The following DEFB126 variants were observed in gnomAD, a reference collection of about 807,000 sequenced individuals.
The protein encoded by DEFB126 is beta-defensin 126.
In DEFB126, 2 loss-of-function variants were observed where a neutral mutation model predicts 2.5. The observed-to-expected ratio is 0.79, with a 90% confidence interval of 0.32 to 2.49. DEFB126 has a LOEUF of 2.49. Ranked by LOEUF, DEFB126 falls within the 30% of genes most tolerant of loss-of-function variation. DEFB126 has a pLI of 0.11. For synonymous variants in DEFB126, 51 were observed against 45.4 expected (o/e 1.12, Z -0.50); for missense variants, 136 against 135.4 (o/e 1.00, Z -0.02).
At position 142,669 on chromosome 20, in the gene DEFB126, TG is replaced by T; in HGVS notation, c.43del (p.Ala15ProfsTer10). Reference protein sequence around the residue: ...LLFTLAVFMLLAQLVSGNWYV... With the variant: ...LLFTLAVFMLXAQLVSGNWYV... ...TTCACCCTTGCAGTTTTTATGCTCC[TG>T]GCCCAATTGGTCTCAGGTAAACAGA... On this transcript the variant is annotated frameshift_variant, in exon 1 of 2. Transcript: ENST00000382398. LOFTEE classifies it low-confidence loss of function (END_TRUNC). 3 of 1,613,852 alleles carry T rather than the reference TG, an allele frequency of 1.9e-6. No individual in the cohort carries two copies. The highest frequency in any genetic ancestry group is 2.5e-6 in the Non-Finnish European group (3 of 1,179,730).
intron 1 of DEFB126, among the ~76,000 whole-genome samples, chr20:143,047 A>G (rs1354018036): frequency 6.6e-6 from 1 of 152,076 alleles, no homozygotes; most frequent in Non-Finnish European, 1.5e-5. Context: ...TGAGGTAACA[A>G]TTATATAATA....
intron 1 of DEFB126, among the ~76,000 whole-genome samples, chr20:145,097 A>C (rs1262729987): frequency 1.3e-5 from 2 of 152,134 alleles, no homozygotes; most frequent in Non-Finnish European, 2.9e-5. Context: ...ATTTTAGGAA[A>C]TTGCTTGGGG....
At chr20:143,906 C>A (rs74181508) in intron 1 of DEFB126, among the ~76,000 whole-genome samples, 1 of 152,076 alleles carries the variant, frequency 6.6e-6, no homozygotes, top group Non-Finnish European at 1.5e-5. Flanking sequence ...CAGTTATTCA[C>A]CTATGATTTT....
chr20:145,564 G>A lies in DEFB126; in HGVS notation c.208G>A (p.Val70Ile), dbSNP rs374096018. The A allele has an allele frequency of 6.2e-7, 1 of 1,613,870 alleles. No homozygotes were observed. The highest frequency in any genetic ancestry group is 8.5e-7 in the Non-Finnish European group (1 of 1,179,950). Residue 70 changes from valine (V) to isoleucine (I), a missense_variant, in exon 2 of 2, where the codon GTT (valine) becomes ATT (isoleucine). Physicochemically the swap from Val to Ile is conservative, Grantham distance 29. Coordinates refer to ENST00000382398, the MANE Select transcript of DEFB126 (RefSeq NM_030931.4). Reference protein sequence around the residue: ...VPADRRANYPVFCVQTKTTRI... With the variant: ...VPADRRANYPIFCVQTKTTRI... ...AGCTGACAGACGTGCTAATTATCCT[G>A]TTTTCTGTGTCCAGACAAAGACTAC...
rs74717966 is a variant in DEFB126, at chr20:145,583, A to G, written c.227A>G (p.Lys76Arg). Reference sequence around the variant, plus strand: ...TATCCTGTTTTCTGTGTCCAGACAAAGACTACAAGAATTTCAACAGTAACA... The same window carrying G: ...TATCCTGTTTTCTGTGTCCAGACAAGGACTACAAGAATTTCAACAGTAACA... Reference protein sequence around the residue: ...ANYPVFCVQTKTTRISTVTAT... With the variant: ...ANYPVFCVQTRTTRISTVTAT... The change falls in exon 2 of 2, where the codon AAG (lysine) becomes AGG (arginine). Residue 76 changes from lysine to arginine, a missense_variant. Lys to Arg is a conservative substitution (Grantham distance 26). Transcript: ENST00000382398. The G allele has an allele frequency of 2.9e-3, 4,755 of 1,614,022 alleles. 145 individuals carry two copies. The East Asian group carries it at 0.079, about 27-fold the overall frequency.
rs757783779 is a variant in DEFB126, at chr20:142,685, A to G, written c.57A>G (p.Ser19=). ...TTATGCTCCTGGCCCAATTGGTCTC[A>G]GGTAAACAGAATCTTGGGGAAGAAG... is the stretch of plus-strand genomic sequence containing the variant. The part of the protein sequence containing the change: ...AVFMLLAQLV[S]GNWYVKKCLN... The change falls in exon 1 of 2, where the codon TCA becomes TCG. Residue 19 remains serine (S), a splice_region_variant and synonymous_variant. Transcript: ENST00000382398. The G allele has an allele frequency of 4.6e-5, 75 of 1,613,584 alleles. 3 individuals are homozygous for G. The South Asian group carries it at 8.2e-4, about 18-fold the overall frequency.
At chr20:145,262 C>G (rs1247554594) in intron 1 of DEFB126, among the ~76,000 whole-genome samples, 153 bp from the exon 2 acceptor site, 1 of 152,096 alleles carries the variant, frequency 6.6e-6, no homozygotes, top group Non-Finnish European at 1.5e-5. Flanking sequence ...TAAAATTTCA[C>G]TTAATCCTCA....
intron 1 of DEFB126, among the ~76,000 whole-genome samples, chr20:143,534 T>C (rs1315453603): frequency 6.6e-6 from 1 of 152,156 alleles, no homozygotes; most frequent in Non-Finnish European, 1.5e-5. Context: ...AAGTCCTTAA[T>C]TGTGTGTCAT....
intron 1 of DEFB126, among the ~76,000 whole-genome samples, chr20:144,035 T>G (rs546804204): frequency 6.6e-6 from 1 of 152,084 alleles, no homozygotes; most frequent in African/African-American, 2.4e-5. Context: ...CCTCTAGAGA[T>G]AGTAGTTTAT....
chr20:145,338 C>A, intron 1 of DEFB126, 77 bp from the exon 2 acceptor site: 2 of 1,412,158 alleles, frequency 1.4e-6, no homozygotes, highest in East Asian at 2.4e-5. Flanking sequence ...ATAAACAGTG[C>A]TCAAAAACTA....
rs2054662939 is a variant in DEFB126, at chr20:145,425, T to A, written c.69T>A (p.Tyr23Ter). ...LLAQLVSGNW[Y>*]VKKCLNDVGI... is the part of the protein sequence containing the mutation. ...AATTCCTTTATTCAGGTAATTGGTA[T>A]GTGAAAAAGTGTCTAAACGACGTTG... The change falls in exon 2 of 2, where the codon TAT becomes TAA. Residue 23 changes from tyrosine to a stop codon, truncating the protein, a stop_gained. Coordinates refer to ENST00000382398, the MANE Select transcript of DEFB126 (RefSeq NM_030931.4). LOFTEE classifies it low-confidence loss of function (END_TRUNC). The A allele has an allele frequency of 1.2e-6, 2 of 1,613,602 alleles. No individual in the cohort carries two copies. Among genetic ancestry groups the A allele is most frequent in the Middle Eastern group, 1.7e-4 (1 of 6,058 alleles).
At chr20:142,802 C>A in intron 1 of DEFB126, 116 bp downstream of exon 1, 1 of 1,094,008 alleles carries the variant, frequency 9.1e-7, no homozygotes, top group Non-Finnish European at 1.4e-6. Flanking sequence ...GGGAGCAGGG[C>A]TGAGATTTGT....
intron 1 of DEFB126, among the ~76,000 whole-genome samples, chr20:144,023 C>T (rs2054658030): frequency 1.3e-5 from 2 of 151,892 alleles, no homozygotes; most frequent in South Asian, 2.1e-4. Flanking sequence ...CTCCATAGCC[C>T]GCCTCTAGAG....
At chr20:144,219 A>T (rs924031421) in intron 1 of DEFB126, among the ~76,000 whole-genome samples, 1 of 152,068 alleles carries the variant, frequency 6.6e-6, no homozygotes, top group Admixed American at 6.6e-5. Context: ...ATCGACATAC[A>T]TCACATACTT....
chr20:145,346 C>T, intron 1 of DEFB126, 69 bp from the exon 2 acceptor site: 1 of 1,459,072 alleles, frequency 6.9e-7, no homozygotes, highest in Non-Finnish European at 9.3e-7. Flanking sequence ...TGCTCAAAAA[C>T]TATTGCTATT....
At chr20:144,081 G>A (rs1203132499) in intron 1 of DEFB126, among the ~76,000 whole-genome samples, 1 of 152,022 alleles carries the variant, frequency 6.6e-6, no homozygotes, top group Non-Finnish European at 1.5e-5. Context: ...AATTGATAGT[G>A]GATAAGAGGA....
chr20:142,730 GGTCCT>G, intron 1 of DEFB126, 44 bp downstream of exon 1: 1 of 1,598,944 alleles, frequency 6.3e-7, no homozygotes, highest in Non-Finnish European at 8.6e-7. Flanking sequence ...CCTGGAACAG[GGTCCT>G]GCACATGGAG....
rs996310883 is a variant in DEFB126, at chr20:142,760, T to A, written c.58+74T>A. On this transcript the variant is annotated intron_variant, in intron 1 of 1. Transcript: ENST00000382398. ...TGCACATGGAGTCCCTGTTTCTAAG[T>A]GGTCTGTGGAAATGGGGTCTGGCTT... 2.6e-5 allele frequency: 39 copies of A among 1,517,486 alleles called. No homozygotes were observed. In the African/African-American group the frequency reaches 4.8e-4, roughly 19 times the overall value. 94.0% of individuals were successfully genotyped at this position (1,517,486 alleles called of 1,614,324 possible).
intron 1 of DEFB126, among the ~76,000 whole-genome samples, chr20:144,170 C>T (rs2054658468): frequency 6.6e-6 from 1 of 152,024 alleles, no homozygotes; most frequent in Non-Finnish European, 1.5e-5. Flanking sequence ...TTTAAATTGC[C>T]TGATTTCTCC....
Sources: gnomAD v4.1 joint callset for allele counts (sites outside exome capture counted in the v4.1 genomes callset) on GRCh38, gnomAD v4.1.1 for gene constraint, MANE v1.5 for transcripts, NCBI Gene and HGNC (gene_info 2026-07-23, HGNC 2026-07-21) for gene names.